The following GATAD1 variants were observed in gnomAD, a reference collection of about 807,000 sequenced individuals.
The protein encoded by GATAD1 is GATA zinc finger domain-containing protein 1.
A neutral mutation model predicts 26.5 loss-of-function variants in GATAD1; 12 were observed. The ratio of observed to expected loss-of-function variants is 0.45; its 90% CI spans 0.29 to 0.73. The LOEUF is 0.73. GATAD1 is among the 30% of genes least tolerant of loss of function. GATAD1 has a pLI of 0.10. For synonymous variants in GATAD1, 129 were observed against 133.1 expected (o/e 0.97, Z 0.21); for missense variants, 266 against 342.1 (o/e 0.78, Z 1.75).
At chr7:92,481,332 C>A in the GATAD1 span, among the ~76,000 whole-genome samples, 3 of 152,102 alleles carry the variant, frequency 2.0e-5, no homozygotes, top group African/African-American at 7.2e-5. Flanking sequence ...GGAGACTCAA[C>A]AAAGAGTGAA....
At position 92,456,610 on chromosome 7, in the gene GATAD1, C is replaced by T. The variant is rs759662364; in HGVS notation, c.*48C>T. 8.1e-7 allele frequency: 1 copy of T among 1,228,770 alleles called. No homozygotes were observed. Among genetic ancestry groups the T allele is most frequent in the Non-Finnish European group, 1.2e-6 (1 of 850,364 alleles). 76.1% of individuals were successfully genotyped at this position (1,228,770 alleles called of 1,614,324 possible). A position where few individuals can be genotyped will look rare whatever the true frequency, so the allele number is the denominator to read the frequency against. ...CCAGGCCTGGTGTGGTGGCTCACGC[C>T]TGTAGCCCCAGCTATTGCACCACTG... On this transcript the variant is annotated 3_prime_UTR_variant, in exon 5 of 5. Transcript: ENST00000287957.
chr7:92,448,951 C>A, intron 2 of GATAD1, 74 bp downstream of exon 2: 4 of 1,454,592 alleles, frequency 2.7e-6, no homozygotes, highest in Non-Finnish European at 2.9e-6. Flanking sequence ...CATTTCTCAC[C>A]ATTGAACTTG....
chr7:92,449,930 C>G (rs925459190), intron 2 of GATAD1: 8 of 152,110 alleles, frequency 5.3e-5, no homozygotes, highest in African/African-American at 1.9e-4. Context: ...CTTATTCAGA[C>G]TAGTTGCTTC....
At chr7:92,493,107 T>C in the GATAD1 span, 2 of 1,606,382 alleles carry the variant, frequency 1.2e-6, no homozygotes, top group East Asian at 4.5e-5. Context: ...ACTGAGGACA[T>C]TTAAAATTTC....
chr7:92,492,981 T>C, the GATAD1 span: 2 of 1,613,898 alleles, frequency 1.2e-6, no homozygotes, highest in Non-Finnish European at 1.7e-6. Context: ...CAGCATTCCA[T>C]GTAAGGCCTC....
intron 3 of GATAD1, among the ~76,000 whole-genome samples, chr7:92,452,443 A>G (rs528804535): frequency 6.6e-6 from 1 of 152,352 alleles, no homozygotes; most frequent in South Asian, 2.1e-4. Flanking sequence ...TCAGGCATGC[A>G]AGAGGAGCCT....
chr7:92,472,862 C>G, the GATAD1 span: 1 of 152,154 alleles, frequency 6.6e-6, no homozygotes, highest in Non-Finnish European at 1.5e-5. Context: ...AACCATGTAG[C>G]CACAGGTAGC....
At chr7:92,468,332 G>T in the GATAD1 span, 1 of 174,004 alleles carries the variant, frequency 5.7e-6, no homozygotes, top group South Asian at 1.6e-4. Context: ...AGTGGTGGAT[G>T]GCGAGCGAAA....
the GATAD1 span, chr7:92,471,463 T>C: frequency 5.9e-5 from 9 of 152,226 alleles, no homozygotes; most frequent in Admixed American, 5.9e-4. Flanking sequence ...ATTGGATAGT[T>C]GCAGGCAAAA....
At chr7:92,489,406 G>A in the GATAD1 span, 1 of 1,613,046 alleles carries the variant, frequency 6.2e-7, no homozygotes, top group Non-Finnish European at 8.5e-7. Flanking sequence ...GTCCTGGTTG[G>A]TTCATGGATT....
At chr7:92,471,239 T>G in the GATAD1 span, 1 of 167,034 alleles carries the variant, frequency 6.0e-6, no homozygotes, top group Non-Finnish European at 1.5e-5. Flanking sequence ...TAAAATCAGT[T>G]GCCAGTCTTC....
chr7:92,491,207 T>C, the GATAD1 span: 1 of 1,141,260 alleles, frequency 8.8e-7, no homozygotes, highest in Non-Finnish European at 1.3e-6. Flanking sequence ...GAGAAATCAC[T>C]GCAACTTTAC....
At position 92,454,576 on chromosome 7, in the gene GATAD1, C is replaced by A; in HGVS notation, c.510C>A (p.Ile170=). Residue 170 remains isoleucine, a synonymous_variant, in exon 4 of 5, where the codon ATC becomes ATA. Coordinates refer to ENST00000287957, the MANE Select transcript of GATAD1 (RefSeq NM_021167.5). ...EQDGKPYYAQ[I]RGFIQDQYCE... ...ATGGAAAGCCCTACTATGCTCAAAT[C>A]AGAGGTTTTATCCAGGACCAGTATT... 1 of 1,612,880 alleles carries A rather than the reference C, an allele frequency of 6.2e-7. No individual in the cohort carries two copies. Among genetic ancestry groups the A allele is most frequent in the South Asian group, 1.1e-5 (1 of 91,034 alleles).
intron 1 of GATAD1, 81 bp downstream of exon 1, chr7:92,448,059 G>C: frequency 9.3e-7 from 1 of 1,075,274 alleles, no homozygotes; most frequent in Non-Finnish European, 1.2e-6. Flanking sequence ...GGAGCGGGCG[G>C]GCGCGGGCTT....
the GATAD1 span, among the ~76,000 whole-genome samples, chr7:92,490,872 A>G: frequency 3.3e-5 from 5 of 152,242 alleles, no homozygotes; most frequent in Non-Finnish European, 7.3e-5. Flanking sequence ...CTATGCAGCA[A>G]AAGTATCACA....
chr7:92,456,269 G>C (rs1789666861), intron 4 of GATAD1, 103 bp from the exon 5 acceptor site: 1 of 610,370 alleles, frequency 1.6e-6, no homozygotes, highest in Non-Finnish European at 2.8e-6. Context: ...ATGCCAGGTT[G>C]CTCCCAGAGT....
the GATAD1 span, among the ~76,000 whole-genome samples, chr7:92,485,584 G>A: frequency 2.0e-5 from 3 of 152,146 alleles, no homozygotes; most frequent in Non-Finnish European, 2.9e-5. Flanking sequence ...GGATCCAAGG[G>A]CACCAGACAC....
the GATAD1 span, chr7:92,469,789 A>G: frequency 1.3e-6 from 1 of 765,360 alleles, no homozygotes; most frequent in East Asian, 2.4e-5. Context: ...AGGGATTGAA[A>G]CATATGGCCT....
At position 92,448,735 on chromosome 7, in the gene GATAD1, ATTTG is replaced by A. The variant is rs771039282; in HGVS notation, c.250-11_250-8del. The A allele has an allele frequency of 5.0e-5, 81 of 1,605,264 alleles. 1 individual carries two copies. In the East Asian group the frequency reaches 7.1e-4, roughly 14 times the overall value. On this transcript the variant is annotated splice_polypyrimidine_tract_variant and intron_variant, in intron 1 of 4. Coordinates refer to ENST00000287957, the MANE Select transcript of GATAD1 (RefSeq NM_021167.5). ...TACTTCTTTCTCTTTTTGTTCTTTA[ATTTG>A]TTTGTGTAACAGAGTAAGCAGGAAA...
Sources: gnomAD v4.1 joint callset for allele counts (sites outside exome capture counted in the v4.1 genomes callset) on GRCh38, gnomAD v4.1.1 for gene constraint, MANE v1.5 for transcripts, NCBI Gene and HGNC (gene_info 2026-07-23, HGNC 2026-07-21) for gene names.